CNTLN: variants seen among roughly 807,000 people sequenced by gnomAD.
CNTLN encodes the protein centlein.
Under a neutral mutation model 180.0 loss-of-function variants are expected in CNTLN, and 212 were observed. That is an observed-to-expected ratio of 1.18 (90% confidence interval 1.05 to 1.32). The LOEUF is 1.32. Among genes scored for constraint, CNTLN ranks in the 40% most tolerant of loss-of-function variants. The pLI is 0.00. For synonymous variants in CNTLN, 722 were observed against 563.1 expected (o/e 1.28, Z -3.99); for missense variants, 2,095 against 1,610.9 (o/e 1.30, Z -5.14).
chr9:17,396,495 A>G (rs1232111397), intron 15 of CNTLN, among the ~76,000 whole-genome samples: 1 of 152,136 alleles, frequency 6.6e-6, no homozygotes, highest in African/African-American at 2.4e-5. Context: ...TTATAATGAC[A>G]TATGTCCTTG....
chr9:17,316,869 T>C (rs926004527), intron 8 of CNTLN, among the ~76,000 whole-genome samples: 1 of 152,132 alleles, frequency 6.6e-6, no homozygotes, highest in African/African-American at 2.4e-5. Context: ...TCATAGAAAT[T>C]CATGTGAACT....
chr9:17,453,825 A>T (rs539090832), intron 18 of CNTLN, among the ~76,000 whole-genome samples: 1 of 152,320 alleles, frequency 6.6e-6, no homozygotes, highest in East Asian at 1.9e-4. Flanking sequence ...TAACATGGCA[A>T]CTTACTTCTT....
chr9:17,181,541 T>C (rs1821125164), intron 2 of CNTLN, among the ~76,000 whole-genome samples: 1 of 152,248 alleles, frequency 6.6e-6, no homozygotes, highest in South Asian at 2.1e-4. Context: ...ATCTGTGGAT[T>C]TGTTAACAAT....
At chr9:17,487,314 C>T (rs1413834176) in intron 25 of CNTLN, 1 of 451,792 alleles carries the variant, frequency 2.2e-6, no homozygotes, top group African/African-American at 2.1e-5. Flanking sequence ...ATTATTGAGT[C>T]AACCTCTGTG....
intron 7 of CNTLN, among the ~76,000 whole-genome samples, chr9:17,307,169 TATAAATCATATAGGCAATACTTTC>T (rs1818776186): frequency 6.6e-6 from 1 of 152,246 alleles, no homozygotes; most frequent in Non-Finnish European, 1.5e-5. Context: ...TAAATTTTTT[TATAAATCATATAGGCAATACTTTC>T]TTTTAAAAGA....
intron 20 of CNTLN, 43 bp downstream of exon 20, chr9:17,463,056 A>AG: frequency 2.0e-5 from 22 of 1,109,946 alleles, no homozygotes; most frequent in Non-Finnish European, 2.8e-5. Context: ...GGTGCCACCT[A>AG]GTGGCAACCA....
downstream of CNTLN, among the ~76,000 whole-genome samples, chr9:17,507,843 C>G (rs565056692): frequency 1.1e-4 from 16 of 152,172 alleles, no homozygotes; most frequent in Non-Finnish European, 1.8e-4. Context: ...TCAGCAGACA[C>G]AGTCTACAAA....
At chr9:17,341,815 T>G (rs2133211741) in intron 11 of CNTLN, among the ~76,000 whole-genome samples, 1 of 152,354 alleles carries the variant, frequency 6.6e-6, no homozygotes, top group East Asian at 1.9e-4. Context: ...GTATCACTTG[T>G]CAGTAAAGCA....
intron 5 of CNTLN, among the ~76,000 whole-genome samples, chr9:17,266,557 C>G (rs913401486): frequency 6.6e-6 from 1 of 152,050 alleles, no homozygotes; most frequent in African/African-American, 2.4e-5. Context: ...ATTAAGTCTG[C>G]TTGGTGCAGA....
At chr9:17,312,017 AT>A (rs34884121) in intron 8 of CNTLN, among the ~76,000 whole-genome samples, 121,474 of 151,762 alleles carry the variant, frequency 0.8, 49,315 homozygotes, top group Non-Finnish European at 0.87. Context: ...CAAAGTCCAG[AT>A]TATATGCCTG....
At chr9:17,144,034 C>G (rs994399462) in intron 2 of CNTLN, among the ~76,000 whole-genome samples, 1 of 152,152 alleles carries the variant, frequency 6.6e-6, no homozygotes, top group Non-Finnish European at 1.5e-5. Context: ...TTTCATTATA[C>G]TTTTTAAATG....
chr9:17,348,576 G>T (rs890445003), intron 12 of CNTLN, among the ~76,000 whole-genome samples: 1 of 150,602 alleles, frequency 6.6e-6, no homozygotes, highest in Non-Finnish European at 1.5e-5. Context: ...TGTCGCCCAG[G>T]CTGCAGTGCA....
rs1221501781 is a variant in CNTLN, at chr9:17,289,872, GCA to G, written c.984-8316_984-8315del. Among the ~76,000 whole-genome samples, 4 of 133,056 alleles carry G rather than the reference GCA, an allele frequency of 3.0e-5. No homozygotes were observed. The East Asian group carries it at 8.3e-4, about 28-fold the overall frequency. 87.3% of individuals were successfully genotyped at this position (133,056 alleles called of 152,430 possible). On this transcript the variant is annotated intron_variant, in intron 6 of 25. Transcript: ENST00000380647. ...TTTTCAGCTCCATCAGCTCCTTTAA[GCA>G]CTTCTCTGTATTGGTTATTCTAGGT...
At chr9:17,486,645 G>A (rs546336153) in intron 24 of CNTLN, among the ~76,000 whole-genome samples, 51 of 152,156 alleles carry the variant, frequency 3.4e-4, no homozygotes, top group African/African-American at 1.1e-3. Context: ...ATTATCTCAT[G>A]AGAGTCACCT....
At chr9:17,326,032 A>G (rs1280992772) in intron 8 of CNTLN, among the ~76,000 whole-genome samples, 3 of 152,106 alleles carry the variant, frequency 2.0e-5, no homozygotes, top group Non-Finnish European at 1.5e-5. Context: ...AATTTGTATA[A>G]CACCTAAAGG....
At chr9:17,338,118 C>G (rs991721854) in intron 10 of CNTLN, among the ~76,000 whole-genome samples, 22 of 141,434 alleles carry the variant, frequency 1.6e-4, no homozygotes, top group African/African-American at 5.8e-4. Flanking sequence ...ATTTCCCTCC[C>G]TCCTTCTTTC....
At chr9:17,383,938 C>G (rs1447218526) in intron 13 of CNTLN, among the ~76,000 whole-genome samples, 1 of 151,992 alleles carries the variant, frequency 6.6e-6, no homozygotes, top group East Asian at 1.9e-4. Flanking sequence ...TTGCCCGGCC[C>G]GTAACATGAA....
chr9:17,404,093 G>A (rs977849986), intron 15 of CNTLN, among the ~76,000 whole-genome samples: 2 of 151,684 alleles, frequency 1.3e-5, no homozygotes, highest in Non-Finnish European at 2.9e-5. Context: ...AGAGTTTATG[G>A]CAAGGGATAT....
chr9:17,231,601 C>T (rs974442482), intron 3 of CNTLN, among the ~76,000 whole-genome samples: 2 of 152,090 alleles, frequency 1.3e-5, no homozygotes, highest in African/African-American at 2.4e-5. Flanking sequence ...CTAGGAAGCT[C>T]AGAAGTTTTG....
Sources: allele counts gnomAD v4.1 joint callset (sites outside exome capture counted in the v4.1 genomes callset), GRCh38; gene constraint gnomAD v4.1.1; transcripts MANE v1.5; gene names NCBI Gene and HGNC (gene_info 2026-07-23, HGNC 2026-07-21).